Variants in FAM107A observed in about 807,000 individuals in gnomAD.
FAM107A encodes the protein actin-associated protein FAM107A.
FAM107A carries 19 observed loss-of-function variants against 13.7 expected under a neutral mutation model. The observed-to-expected ratio is 1.38, with a 90% CI of 0.97 to 2.03. The LOEUF (loss-of-function observed/expected upper bound fraction) is 2.03, where lower values mean the gene tolerates loss of function less well. Ranked by LOEUF, FAM107A falls within the 30% of genes most tolerant of loss-of-function variation. The pLI is 0.00. For missense variants in FAM107A, 203 were observed against 184.4 expected, an observed-to-expected ratio of 1.10 and a Z score of -0.58; for synonymous variants, 82 against 74.5, an observed-to-expected ratio of 1.10 and a Z score of -0.52.
chr3:58,586,727 G>A, intron 1 of FAM107A: 3 of 973,204 alleles, frequency 3.1e-6, no homozygotes, highest in Non-Finnish European at 4.2e-6. Flanking sequence ...AAGAATGACG[G>A]AAGGTTAGGA....
upstream of FAM107A, chr3:58,577,664 G>A (rs1327482515): frequency 3.0e-6 from 3 of 985,334 alleles, no homozygotes; most frequent in Non-Finnish European, 3.6e-6. This position sits in a 1 kb window ranked among gnomAD's most constrained non-coding sequence, Gnocchi z 4.9. Context: ...TGAGCAAGGC[G>A]GCTCACGTAA....
chr3:58,599,368 A>T lies in FAM107A; in HGVS notation c.-69-10099T>A, dbSNP rs75784956. On this transcript the variant is annotated intron_variant, in intron 1 of 3. Transcript: ENST00000465970. ...GTGGAAATGCTAGACCAGGAAGTAC[A>T]TGTATTTAAGTTTTAGTAGATGCTG... is the stretch of plus-strand genomic sequence containing the variant. 4.5e-3 allele frequency among the ~76,000 whole-genome samples: 688 copies of T among 152,340 alleles called. 4 individuals carry two copies. The highest frequency in any genetic ancestry group is 0.016 in the African/African-American group (651 of 41,576).
At chr3:58,572,053 C>T (rs1336021267) in intron 1 of FAM107A, among the ~76,000 whole-genome samples, 8 of 152,090 alleles carry the variant, frequency 5.3e-5, no homozygotes, top group African/African-American at 9.7e-5. Flanking sequence ...TGAACAGAAA[C>T]GCATTTGAAA....
intron 1 of FAM107A, among the ~76,000 whole-genome samples, chr3:58,616,590 C>T (rs1279446399): frequency 2.7e-5 from 4 of 150,876 alleles, no homozygotes; most frequent in Non-Finnish European, 4.4e-5. Flanking sequence ...CCACCACCAC[C>T]ATCACCACCA....
At chr3:58,592,260 C>T (rs2065660132) in intron 1 of FAM107A, among the ~76,000 whole-genome samples, 1 of 152,208 alleles carries the variant, frequency 6.6e-6, no homozygotes, top group African/African-American at 2.4e-5. Flanking sequence ...CAGCTCTCTT[C>T]ACACAGACCT....
Position 58,569,483 on chromosome 3 carries a change from G to A in FAM107A, c.170+208C>T, listed in dbSNP as rs1389009144. ...AAATGGGTGGCTGGGCAAGAGAACA[G>A]GGCTTTTTGGTCCCTCTGGTTCCCA... On this transcript the variant is annotated intron_variant, in intron 2 of 3. Coordinates refer to ENST00000360997, the MANE Select transcript of FAM107A (RefSeq NM_001076778.3). The surrounding 1 kb of genome is among the most constrained non-coding windows in gnomAD (Gnocchi z 5.7). Among the ~76,000 whole-genome samples, 3 of 152,210 alleles carry A rather than the reference G, an allele frequency of 2.0e-5. No homozygotes were observed. The highest frequency in any genetic ancestry group is 4.8e-5 in the African/African-American group (2 of 41,458).
At chr3:58,570,607 GA>G (rs2063672773) in intron 1 of FAM107A, among the ~76,000 whole-genome samples, 1 of 145,492 alleles carries the variant, frequency 6.9e-6, no homozygotes, top group Admixed American at 6.9e-5. Flanking sequence ...GAGAGAGAGA[GA>G]GAGAGAGAGA....
intron 1 of FAM107A, among the ~76,000 whole-genome samples, chr3:58,607,449 C>T (rs189733409): frequency 7.2e-5 from 11 of 152,108 alleles, no homozygotes; most frequent in Non-Finnish European, 1.6e-4. Flanking sequence ...TGTGCTGACC[C>T]TTTGGTGTGG....
chr3:58,567,427 G>A (rs1314659098), intron 2 of FAM107A, 63 bp from the exon 3 acceptor site: 7 of 1,528,104 alleles, frequency 4.6e-6, no homozygotes, highest in Middle Eastern at 2.3e-4. Flanking sequence ...CAGCCTCAGG[G>A]CTGCTTCCTG....
chr3:58,616,060 C>A (rs2108082046), intron 1 of FAM107A, among the ~76,000 whole-genome samples: 1 of 152,082 alleles, frequency 6.6e-6, no homozygotes, highest in Middle Eastern at 3.4e-3. Context: ...CTGTGGAGCC[C>A]AGTGTGTATG....
intron 1 of FAM107A, among the ~76,000 whole-genome samples, chr3:58,598,917 AT>A (rs1215767462): frequency 2.0e-5 from 3 of 151,842 alleles, no homozygotes; most frequent in Non-Finnish European, 4.4e-5. Flanking sequence ...TTAGTTGGAC[AT>A]TTAGGTTGCT....
upstream of FAM107A, among the ~76,000 whole-genome samples, chr3:58,587,299 T>C (rs2065618432): frequency 1.3e-5 from 2 of 152,180 alleles, no homozygotes; most frequent in African/African-American, 2.4e-5. Flanking sequence ...TTGTTGATGC[T>C]ACCAGCATGG....
chr3:58,572,151 G>T (rs1258664869), intron 1 of FAM107A, among the ~76,000 whole-genome samples: 1 of 152,110 alleles, frequency 6.6e-6, no homozygotes, highest in African/African-American at 2.4e-5. Flanking sequence ...CTGAGAAAGT[G>T]CGTAATAATA....
intron 1 of FAM107A, among the ~76,000 whole-genome samples, chr3:58,598,036 A>G (rs1420840840): frequency 6.6e-6 from 1 of 152,140 alleles, no homozygotes; most frequent in Non-Finnish European, 1.5e-5. Context: ...TTAAAGGTTG[A>G]ATATATGTAA....
chr3:58,583,777 C>T (rs1025147524), intron 1 of FAM107A, among the ~76,000 whole-genome samples: 2 of 151,894 alleles, frequency 1.3e-5, no homozygotes, highest in African/African-American at 4.8e-5. Context: ...ACTCTCTGGG[C>T]TCAAGTGATC....
rs988023805 is a variant in FAM107A at position 58,604,380 on chromosome 3, C to G, written c.-69-15111G>C. Among the ~76,000 whole-genome samples the G allele has an allele frequency of 5.3e-5, 8 of 152,094 alleles. No homozygotes were observed. Among genetic ancestry groups the G allele is most frequent in the Admixed American group, 2.0e-4 (3 of 15,262 alleles). Reference sequence around the variant, plus strand: ...CTCAGAGCATGTCCTGGGCTGATAACAGGTCCTGTGCCAGACAGACTCAGA... The same window carrying G: ...CTCAGAGCATGTCCTGGGCTGATAAGAGGTCCTGTGCCAGACAGACTCAGA... On this transcript the variant is annotated intron_variant, in intron 1 of 3. Transcript: ENST00000465970. This position sits in a 1 kb window ranked among gnomAD's most constrained non-coding sequence, Gnocchi z 4.1.
At position 58,567,194 on chromosome 3, in the gene FAM107A, T is replaced by C; in HGVS notation, c.327+14A>G. On this transcript the variant is annotated intron_variant, in intron 3 of 3. Coordinates refer to ENST00000360997, the MANE Select transcript of FAM107A (RefSeq NM_001076778.3). The stretch of plus-strand genomic sequence containing the variant: ...TGGAGGATGCGTGGTCCCTGCTGGG[T>C]GCCCATCACCCACCTGGTTCAGCCT... The C allele has an allele frequency of 1.2e-6, 2 of 1,614,110 alleles. No homozygotes were observed. Among genetic ancestry groups the C allele is most frequent in the Non-Finnish European group, 1.7e-6 (2 of 1,180,002 alleles).
At chr3:58,588,970 T>G (rs1250670729), upstream of FAM107A, among the ~76,000 whole-genome samples, 1 of 152,152 alleles carries the variant, frequency 6.6e-6, no homozygotes, top group Non-Finnish European at 1.5e-5. Context: ...GTTATGCCCC[T>G]TTTACAGTTG....
chr3:58,604,086 C>T lies in FAM107A; in HGVS notation c.-69-14817G>A, dbSNP rs936602204. 6.6e-5 allele frequency among the ~76,000 whole-genome samples: 10 copies of T among 152,140 alleles called. No individual in the cohort carries two copies. The highest frequency in any genetic ancestry group is 3.3e-4 in the Admixed American group (5 of 15,276). ...CTCTCTGAGCTTCACACTAGCATGTCGGCTGATGAGCAGTTTCCACCTGGG... is the reference window on the plus strand; with the variant it reads ...CTCTCTGAGCTTCACACTAGCATGTTGGCTGATGAGCAGTTTCCACCTGGG... On this transcript the variant is annotated intron_variant, in intron 1 of 3. Coordinates refer to the FAM107A transcript ENST00000465970. The surrounding 1 kb of genome is among the most constrained non-coding windows in gnomAD (Gnocchi z 4.1).
Sources: gnomAD v4.1 joint callset for allele counts (sites outside exome capture counted in the v4.1 genomes callset) on GRCh38, gnomAD v4.1.1 for gene constraint, Gnocchi (gnomAD v3.1) non-coding constraint, MANE v1.5 for transcripts, NCBI Gene and HGNC (gene_info 2026-07-23, HGNC 2026-07-21) for gene names.